TTLL11: variants seen among roughly 807,000 people sequenced by gnomAD.
TTLL11 encodes tubulin polyglutamylase TTLL11.
A neutral mutation model predicts 51.7 loss-of-function variants in TTLL11; 42 were observed. The observed-to-expected ratio is 0.81, with a 90% CI of 0.64 to 1.05. The LOEUF is 1.05. Ranked by LOEUF, TTLL11 falls within the 50% of genes least tolerant of loss-of-function variation. TTLL11 has a pLI of 0.00. For missense variants in TTLL11, 799 were observed against 940.4 expected (o/e 0.85, Z 1.97); for synonymous variants, 381 against 383.5 (o/e 0.99, Z 0.08).
intron 6 of TTLL11, among the ~76,000 whole-genome samples, chr9:121,965,460 T>C (rs1025000517): frequency 4.6e-5 from 7 of 152,204 alleles, no homozygotes; most frequent in African/African-American, 1.7e-4. Flanking sequence ...ATTCACTCGT[T>C]ATCACGAGAA....
intron 1 of TTLL11, among the ~76,000 whole-genome samples, chr9:122,089,579 G>A (rs1846208440): frequency 6.6e-6 from 1 of 152,120 alleles, no homozygotes; most frequent in African/African-American, 2.4e-5. Flanking sequence ...CCACACTAGG[G>A]TGTCAAGATG....
Position 121,817,284 on chromosome 9 carries a change from G to A in TTLL11, c.*5303C>T, listed in dbSNP as rs1836439647. On this transcript the variant is annotated 3_prime_UTR_variant, in exon 9 of 9. Transcript: ENST00000321582. Reference sequence around the variant, plus strand: ...TGTCTTTAAACATGTGGGAATGAAGGGGAGGTGGGGCGTTGGGGGGAGGGC... The same window carrying A: ...TGTCTTTAAACATGTGGGAATGAAGAGGAGGTGGGGCGTTGGGGGGAGGGC... 2 of 152,218 alleles carry A rather than the reference G, an allele frequency of 1.3e-5. No individual in the cohort carries two copies. Among genetic ancestry groups the A allele is most frequent in the South Asian group, 4.1e-4 (2 of 4,822 alleles). The allele number at this position is 152,218 out of a possible 1,614,324, so 9.4% of individuals were successfully genotyped here. A position where few individuals can be genotyped will look rare whatever the true frequency, so the allele number is the denominator to read the frequency against.
chr9:121,846,130 A>G (rs1667330435), intron 8 of TTLL11, among the ~76,000 whole-genome samples: 1 of 152,246 alleles, frequency 6.6e-6, no homozygotes, highest in African/African-American at 2.4e-5. Context: ...AGAAAGTTAC[A>G]GTAGCTATAT....
chr9:122,072,454 G>A (rs1588257625), intron 1 of TTLL11, among the ~76,000 whole-genome samples: 1 of 152,228 alleles, frequency 6.6e-6, no homozygotes, highest in East Asian at 1.9e-4. Flanking sequence ...GACCAGCCTG[G>A]TCAACATGGT....
chr9:122,047,650 T>C (rs547292505), intron 1 of TTLL11, among the ~76,000 whole-genome samples: 2 of 151,692 alleles, frequency 1.3e-5, no homozygotes, highest in South Asian at 4.2e-4. Flanking sequence ...AGCTGAGAGG[T>C]CAGACAAGAT....
chr9:121,889,018 G>T (rs150393624), intron 6 of TTLL11, among the ~76,000 whole-genome samples: 1 of 152,308 alleles, frequency 6.6e-6, no homozygotes, highest in African/African-American at 2.4e-5. Flanking sequence ...TTTAGTCCAG[G>T]TCTGTGCTGT....
Position 122,008,878 on chromosome 9 carries a change from C to T in TTLL11, c.694-19108G>A, listed in dbSNP as rs552763730. ...GTTCAGCCTTAAGAAAGAAGGAAAT[C>T]CTGTCATTTGCAACAACTTGGATGA... On this transcript the variant is annotated intron_variant, in intron 3 of 8. Transcript: ENST00000321582. Among the ~76,000 whole-genome samples the T allele has an allele frequency of 5.3e-5, 8 of 152,322 alleles. No individual in the cohort carries two copies. In the East Asian group the frequency reaches 1.5e-3, roughly 29 times the overall value.
intron 6 of TTLL11, among the ~76,000 whole-genome samples, chr9:121,909,277 G>A (rs1043539071): frequency 6.6e-6 from 1 of 152,188 alleles, no homozygotes; most frequent in East Asian, 1.9e-4. Context: ...AGTGCAGGAT[G>A]TGGGCAAACT....
intron 3 of TTLL11, among the ~76,000 whole-genome samples, chr9:122,021,978 C>T (rs778559656): frequency 1.3e-5 from 2 of 152,070 alleles, no homozygotes; most frequent in Admixed American, 1.3e-4. Context: ...ACTCAACTCT[C>T]ATGTTTAGAA....
intron 7 of TTLL11, among the ~76,000 whole-genome samples, chr9:121,867,376 C>G (rs987911339): frequency 1.8e-4 from 28 of 152,178 alleles, no homozygotes; most frequent in African/African-American, 6.8e-4. Flanking sequence ...CCAGCCTTCC[C>G]TCCCCGACCT....
chr9:121,953,831 C>T (rs1363692273), intron 6 of TTLL11, among the ~76,000 whole-genome samples: 1 of 152,084 alleles, frequency 6.6e-6, no homozygotes, highest in African/African-American at 2.4e-5. Flanking sequence ...TTGGAGCCAT[C>T]TATAATTTGG....
At chr9:122,055,633 A>C (rs1402226457) in intron 1 of TTLL11, among the ~76,000 whole-genome samples, 1 of 152,184 alleles carries the variant, frequency 6.6e-6, no homozygotes, top group Non-Finnish European at 1.5e-5. Context: ...TAACCATCAC[A>C]AGGGAACATA....
intron 8 of TTLL11, among the ~76,000 whole-genome samples, chr9:121,855,521 G>T (rs1241949452): frequency 6.6e-6 from 1 of 152,036 alleles, no homozygotes; most frequent in African/African-American, 2.4e-5. Context: ...CCCTTCAGTG[G>T]GCACCAAAGT....
rs911694955 is a variant in TTLL11 at position 121,870,509 on chromosome 9, C to T, written c.1721G>A (p.Arg574His). The change falls in exon 7 of 9, where the codon CGT becomes CAT. Residue 574 changes from arginine to histidine, a missense_variant. Physicochemically the swap from Arg to His is conservative, Grantham distance 29. Coordinates refer to ENST00000321582, the MANE Select transcript of TTLL11 (RefSeq NM_001139442.2). ...GTMKLGPTGF[R>H]TFIRSCKLSS... The stretch of plus-strand genomic sequence containing the variant: ...TGTTCTCACTGACCTTATGAAGGTA[C>T]GAAAGCCTGTTGGCCCCAACTTCAT... The T allele has an allele frequency of 8.4e-6, 13 of 1,551,360 alleles. 1 individual carries two copies. The highest frequency in any genetic ancestry group is 7.3e-5 in the East Asian group (3 of 40,928).
At chr9:121,994,199 AGGAC>A (rs1843190066) in intron 3 of TTLL11, among the ~76,000 whole-genome samples, 2 of 151,448 alleles carry the variant, frequency 1.3e-5, no homozygotes, top group Non-Finnish European at 2.9e-5. Context: ...GCAGAAAGGA[AGGAC>A]CTGGGCAGAT....
chr9:121,956,795 AG>A (rs1291415001), intron 6 of TTLL11, among the ~76,000 whole-genome samples: 1 of 152,258 alleles, frequency 6.6e-6, no homozygotes, highest in Non-Finnish European at 1.5e-5. Context: ...AGTACAGTTC[AG>A]CAGTTTGGGC....
At chr9:122,085,755 C>T (rs1105095) in intron 1 of TTLL11, among the ~76,000 whole-genome samples, 32,712 of 152,072 alleles carry the variant, frequency 0.22, 3,787 homozygotes, top group Non-Finnish European at 0.24. Context: ...CATACATTCC[C>T]TCATTTACTC....
chr9:121,937,914 T>C (rs1726611136), intron 6 of TTLL11, among the ~76,000 whole-genome samples: 1 of 152,080 alleles, frequency 6.6e-6, no homozygotes, highest in Non-Finnish European at 1.5e-5. Flanking sequence ...AAGGATGGTA[T>C]AAAATAACCT....
chr9:122,055,197 C>T (rs1027478245), intron 1 of TTLL11, among the ~76,000 whole-genome samples: 5 of 60,834 alleles, frequency 8.2e-5, no homozygotes, highest in Non-Finnish European at 1.7e-4. Flanking sequence ...AAAGACAGGA[C>T]TAATAGGATA....
Sources: gnomAD v4.1 joint callset for allele counts (sites outside exome capture counted in the v4.1 genomes callset) on GRCh38, gnomAD v4.1.1 for gene constraint, MANE v1.5 for transcripts, NCBI Gene and HGNC (gene_info 2026-07-23, HGNC 2026-07-21) for gene names.